The following ITGA7 variants were observed in gnomAD, a reference collection of about 807,000 sequenced individuals.
The protein encoded by ITGA7 is integrin subunit alpha 7.
ITGA7 carries 84 observed loss-of-function variants against 131.6 expected under a neutral mutation model. That is an observed-to-expected ratio of 0.64 (90% confidence interval 0.54 to 0.77). The LOEUF (loss-of-function observed/expected upper bound fraction) is 0.77. Among genes scored for constraint, ITGA7 ranks in the 30% least tolerant of loss-of-function variants. ITGA7 has a pLI of 0.00. For synonymous variants in ITGA7, 548 were observed against 600.7 expected (o/e 0.91, Z 1.28); for missense variants, 1,399 against 1,482.9 (o/e 0.94, Z 0.93).
chr12:55,694,109 TG>T lies in ITGA7; in HGVS notation c.2446del (p.Gln816SerfsTer9). 6.2e-7 allele frequency: 1 copy of T among 1,614,178 alleles called. No homozygotes were observed. Among genetic ancestry groups the T allele is most frequent in the Non-Finnish European group, 8.5e-7 (1 of 1,180,014 alleles). Reference sequence around the variant, plus strand: ...CACCACACCAGAGAAGAAGAGTTGCTGGGGAATGGCCATTCTGGCGTGGAGA... The same window carrying T: ...CACCACACCAGAGAAGAAGAGTTGCTGGGAATGGCCATTCTGGCGTGGAGA... The part of the protein sequence containing the change: ...PLSIAGMAIP[Q>X]QLFFSGVVRG... On this transcript the variant is annotated frameshift_variant, in exon 19 of 25. Coordinates refer to ENST00000257879, the MANE Select transcript of ITGA7 (RefSeq NM_002206.3). LOFTEE classifies it high-confidence loss of function. The surrounding 1 kb of genome is among the most constrained non-coding windows in gnomAD (Gnocchi z 5.3).
At chr12:55,692,746 T>G in intron 21 of ITGA7, 98 bp downstream of exon 21, 1 of 1,459,170 alleles carries the variant, frequency 6.9e-7, no homozygotes, top group Non-Finnish European at 9.3e-7. Flanking sequence ...GAACATCTGG[T>G]CAACTTGCAC....
intron 21 of ITGA7, among the ~76,000 whole-genome samples, chr12:55,692,139 C>T (rs773258645): frequency 2.0e-5 from 3 of 152,122 alleles, no homozygotes; most frequent in East Asian, 1.9e-4. Context: ...TTTTGCTGAG[C>T]GCGTGGCTCA....
intron 13 of ITGA7, 59 bp downstream of exon 13, chr12:55,696,224 G>C: frequency 6.6e-7 from 1 of 1,518,160 alleles, no homozygotes; most frequent in Non-Finnish European, 8.9e-7. Context: ...ACTGGGGAGG[G>C]ACCATGATCT....
Position 55,707,755 on chromosome 12 carries a change from G to A in ITGA7, c.-73C>T. 1.9e-6 allele frequency: 3 copies of A among 1,547,928 alleles called. No individual in the cohort carries two copies. Among genetic ancestry groups the A allele is most frequent in the Non-Finnish European group, 2.6e-6 (3 of 1,145,758 alleles). ...ACGCCCCAAGCCCCAGGTCCCCCCA[G>A]GCGCGTCTCTGGTCTCCAAAGTCTC... On this transcript the variant is annotated 5_prime_UTR_variant, in exon 1 of 25. Transcript: ENST00000257879.
At chr12:55,711,041 TCTG>T (rs1876062958), upstream of ITGA7, among the ~76,000 whole-genome samples, 1 of 152,048 alleles carries the variant, frequency 6.6e-6, no homozygotes, top group African/African-American at 2.4e-5. Context: ...CTGAGTGAGG[TCTG>T]CAGGCCAGTT....
chr12:55,693,188 G>A lies in ITGA7; in HGVS notation c.2665C>T (p.Pro889Ser). Reference sequence around the variant, plus strand: ...GGAGAGCAAAGCCCTTTCTGCCCAGGCCCCTGCCCGCCCTCCAGCTCAACC... The same window carrying A: ...GGAGAGCAAAGCCCTTTCTGCCCAGACCCCTGCCCGCCCTCCAGCTCAACC... Reference protein sequence around the residue: ...MQVELEGGQGPGQKGLCSPRP... With the variant: ...MQVELEGGQGSGQKGLCSPRP... The change falls in exon 20 of 25, where the codon CCT (proline) becomes TCT (serine). Residue 889 changes from proline (P) to serine (S), a missense_variant. By Grantham distance (74) the Pro-to-Ser change is moderately conservative (BLOSUM62 -1). Coordinates refer to ENST00000257879, the MANE Select transcript of ITGA7 (RefSeq NM_002206.3). 6.2e-7 allele frequency: 1 copy of A among 1,613,934 alleles called. No homozygotes were observed.
intron 22 of ITGA7, 109 bp downstream of exon 22, chr12:55,688,735 A>AG (rs1870792003): frequency 1.4e-5 from 11 of 786,060 alleles, no homozygotes; most frequent in African/African-American, 3.7e-5. Flanking sequence ...AAAAAAAAAA[A>AG]AGGGGGGGGA....
rs745963644 is a variant in ITGA7 at position 55,694,337 on chromosome 12, A to G, written c.2358-7T>C. 6.8e-6 allele frequency: 11 copies of G among 1,613,724 alleles called. No individual in the cohort carries two copies. In the South Asian group the frequency reaches 1.2e-4, roughly 18 times the overall value. The stretch of plus-strand genomic sequence containing the variant: ...CAGCTCCTGCTCACTGATCCTGGTG[A>G]GTGGGCAGGGGCAAGTATGGGCATC... On this transcript the variant is annotated splice_region_variant and splice_polypyrimidine_tract_variant and intron_variant, in intron 17 of 24. Transcript: ENST00000257879. This position sits in a 1 kb window ranked among gnomAD's most constrained non-coding sequence, Gnocchi z 5.3.
rs778056175 is a variant in ITGA7, at chr12:55,694,306, T to C, written c.2382A>G (p.Pro794=). ...TGAAGACACGGGCTCGTGCAGAGACTGGATGCAGCTCCTGCTCACTGATCC... is the reference window on the plus strand; with the variant it reads ...TGAAGACACGGGCTCGTGCAGAGACCGGATGCAGCTCCTGCTCACTGATCC... ...LATISEQELH[P]VSARARVFIE... Residue 794 remains proline (P), a synonymous_variant, in exon 18 of 25, where the codon CCA becomes CCG. Coordinates refer to ENST00000257879, the MANE Select transcript of ITGA7 (RefSeq NM_002206.3). The surrounding 1 kb of genome is among the most constrained non-coding windows in gnomAD (Gnocchi z 5.3). The C allele has an allele frequency of 1.2e-6, 2 of 1,613,978 alleles. No homozygotes were observed. The highest frequency in any genetic ancestry group is 1.7e-6 in the Non-Finnish European group (2 of 1,180,044).
chr12:55,695,745 C>A, intron 13 of ITGA7, 108 bp from the exon 14 acceptor site: 11 of 768,854 alleles, frequency 1.4e-5, no homozygotes, highest in Non-Finnish European at 2.6e-5. Flanking sequence ...AACAACCTGT[C>A]CTCAACTCTC....
At chr12:55,698,676 C>T (rs1270965515) in intron 6 of ITGA7, 34 bp downstream of exon 6, 1 of 1,613,062 alleles carries the variant, frequency 6.2e-7, no homozygotes. Context: ...TAGACCCAGC[C>T]TCCCTCAGGT....
rs926763850 is a variant in ITGA7, at chr12:55,699,882, T to C, written c.778A>G (p.Asn260Asp). Residue 260 changes from asparagine to aspartate, a missense_variant, in exon 5 of 25, where the codon AAT becomes GAT. Physicochemically the swap from Asn to Asp is conservative, Grantham distance 23. Transcript: ENST00000257879. ...GGAGCTTACAAACCTAAGTAGCTAT[T>C]GAGGGCCAAGTCTCCGGCTGGTCCT... The part of the protein sequence containing the change: ...LPGPAGDLAL[N>D]SYLGFSIDSG... 5 of 1,608,644 alleles carry C rather than the reference T, an allele frequency of 3.1e-6. No homozygotes were observed. Among genetic ancestry groups the C allele is most frequent in the East Asian group, 4.5e-5 (2 of 44,750 alleles).
chr12:55,689,460 C>T (rs1450900863), intron 21 of ITGA7, among the ~76,000 whole-genome samples: 1 of 152,176 alleles, frequency 6.6e-6, no homozygotes, highest in Non-Finnish European at 1.5e-5. Context: ...AACCCAAACT[C>T]GCTGAAGGAG....
At chr12:55,697,162 C>A in intron 11 of ITGA7, 54 bp downstream of exon 11, 1 of 1,573,158 alleles carries the variant, frequency 6.4e-7, no homozygotes, top group Non-Finnish European at 8.6e-7. Flanking sequence ...TCGAAGTGAC[C>A]CCCCTCCCTG....
upstream of ITGA7, chr12:55,712,335 ACAC>A: frequency 9.2e-7 from 1 of 1,090,700 alleles, no homozygotes; most frequent in Non-Finnish European, 1.4e-6. Context: ...GAACTTAGCC[ACAC>A]CACCACCAAC....
chr12:55,685,162 A>C lies in ITGA7; in HGVS notation c.3310T>G (p.Trp1104Gly). 1 of 1,614,078 alleles carries C rather than the reference A, an allele frequency of 6.2e-7. No individual in the cohort carries two copies. The highest frequency in any genetic ancestry group is 1.1e-5 in the South Asian group (1 of 91,084). ...GGGCCCTCCCGCCGGGGGCTGCCCC[A>C]GTTGTTCCTCAGGATGGTGCCCGTC... is the stretch of plus-strand genomic sequence containing the variant. ...EKTGTILRNN[W>G]GSPRREGPDA... Residue 1104 changes from tryptophan to glycine, a missense_variant, in exon 25 of 25, where the codon TGG becomes GGG. By Grantham distance (184) the Trp-to-Gly change is radical (BLOSUM62 -2). Transcript: ENST00000257879.
chr12:55,688,264 G>C lies in ITGA7; in HGVS notation c.2995C>G (p.Arg999Gly), dbSNP rs772232092. 6.2e-7 allele frequency: 1 copy of C among 1,614,028 alleles called. No individual in the cohort carries two copies. Among genetic ancestry groups the C allele is most frequent in the South Asian group, 1.1e-5 (1 of 91,072 alleles). Residue 999 changes from arginine (R) to glycine (G), a missense_variant, in exon 23 of 25, where the codon CGG becomes GGG. Transcript: ENST00000257879. ...SAVKSLEVIV[R>G]ANITVKSSIK... is the part of the protein sequence containing the mutation. Reference sequence around the variant, plus strand: ...GAGGACTTCACTGTGATGTTGGCCCGGACAATCACTTCCAGGGACTTCACA... The same window carrying C: ...GAGGACTTCACTGTGATGTTGGCCCCGACAATCACTTCCAGGGACTTCACA...
rs74867235 is a variant in ITGA7 at position 55,698,884 on chromosome 12, C to T, written c.824G>A (p.Arg275His). 0.049 allele frequency: 78,734 copies of T among 1,613,422 alleles called. 2,301 individuals carry two copies. Among genetic ancestry groups the T allele is most frequent in the Non-Finnish European group, 0.059 (69,236 of 1,179,722 alleles). The change falls in exon 6 of 25, where the codon CGT (arginine) becomes CAT (histidine). Residue 275 changes from arginine to histidine, a missense_variant. Coordinates refer to ENST00000257879, the MANE Select transcript of ITGA7 (RefSeq NM_002206.3). The stretch of plus-strand genomic sequence containing the variant: ...AGCCACAAAGCTCAGCTCTTCTGCA[C>T]GCACCAGACCTTTCCCCGAGTCAAT... ...FSIDSGKGLV[R>H]AEELSFVAGA...
At chr12:55,693,430 G>T in intron 19 of ITGA7, 113 bp from the exon 20 acceptor site, 1 of 966,836 alleles carries the variant, frequency 1.0e-6, no homozygotes, top group Non-Finnish European at 1.6e-6. Flanking sequence ...TAACTCCTGG[G>T]CTCAAGTGAT....
Sources: allele counts gnomAD v4.1 joint callset (sites outside exome capture counted in the v4.1 genomes callset), GRCh38; gene constraint gnomAD v4.1.1; non-coding constraint Gnocchi (gnomAD v3.1); transcripts MANE v1.5; gene names NCBI Gene and HGNC (gene_info 2026-07-23, HGNC 2026-07-21).